RIMS1: variants seen among roughly 807,000 people sequenced by gnomAD.
The protein encoded by RIMS1 is regulating synaptic membrane exocytosis 1, also known as regulating synaptic membrane exocytosis protein 1.
A neutral mutation model predicts 214.1 loss-of-function variants in RIMS1; 83 were observed. The ratio of observed to expected loss-of-function variants is 0.39; its 90% CI spans 0.32 to 0.47. The LOEUF is 0.47. Among genes scored for constraint, RIMS1 ranks in the 20% least tolerant of loss-of-function variants. The pLI, the probability that RIMS1 is intolerant of heterozygous loss-of-function variation, is 0.99. For synonymous variants in RIMS1, 793 were observed against 786.8 expected (o/e 1.01, Z -0.13); for missense variants, 2,050 against 2,161.8 (o/e 0.95, Z 1.03).
At position 72,079,499 on chromosome 6, in the gene RIMS1, T is replaced by A. The variant is rs140254519; in HGVS notation, c.246-17450T>A. Among the ~76,000 whole-genome samples, 11 of 152,208 alleles carry A rather than the reference T, an allele frequency of 7.2e-5. No individual in the cohort carries two copies. In the East Asian group the frequency reaches 1.9e-3, roughly 27 times the overall value. On this transcript the variant is annotated intron_variant, in intron 2 of 33. Transcript: ENST00000521978. ...AATTATGAGACACAGTTTTCTTTGATGTCACTCAGGCTCAGAAAGTTGAAC... is the reference window on the plus strand; with the variant it reads ...AATTATGAGACACAGTTTTCTTTGAAGTCACTCAGGCTCAGAAAGTTGAAC...
chr6:72,342,712 A>T (rs907034033), intron 29 of RIMS1, among the ~76,000 whole-genome samples: 3 of 151,578 alleles, frequency 2.0e-5, no homozygotes, highest in East Asian at 3.9e-4. Flanking sequence ...TGAAGAGTGG[A>T]TATAACACCT....
chr6:72,129,384 A>AC (rs1162258127), intron 4 of RIMS1, among the ~76,000 whole-genome samples: 2 of 152,170 alleles, frequency 1.3e-5, no homozygotes, highest in African/African-American at 2.4e-5. Flanking sequence ...TTAGTGACAC[A>AC]CTAGGAGTTG....
chr6:72,261,605 A>G (rs76905262), intron 19 of RIMS1: 14,399 of 984,296 alleles, frequency 0.015, 108 homozygotes, highest in Non-Finnish European at 0.016. Flanking sequence ...CTAACACAAA[A>G]TAATCGAACT....
intron 2 of RIMS1, among the ~76,000 whole-genome samples, chr6:72,082,387 A>G (rs1833614015): frequency 6.6e-6 from 1 of 152,198 alleles, no homozygotes; most frequent in Admixed American, 6.5e-5. Flanking sequence ...TATACATATT[A>G]GCCATTTTAA....
chr6:72,258,346 C>A, intron 17 of RIMS1, 65 bp downstream of exon 17: 1 of 1,369,220 alleles, frequency 7.3e-7, no homozygotes, highest in Non-Finnish European at 9.9e-7. Context: ...GTGTAAATTG[C>A]TGCAAAACTA....
At chr6:72,049,892 A>G (rs1009051231) in intron 2 of RIMS1, among the ~76,000 whole-genome samples, 9 of 152,284 alleles carry the variant, frequency 5.9e-5, no homozygotes, top group South Asian at 2.1e-4. Context: ...GTGAGTAAGT[A>G]TATATTACTC....
At chr6:72,284,200 C>A in intron 24 of RIMS1, 82 bp downstream of exon 24, 4 of 1,186,558 alleles carry the variant, frequency 3.4e-6, no homozygotes, top group South Asian at 1.3e-5. Flanking sequence ...TTTACATGAT[C>A]AGTTCTTAAA....
At chr6:72,291,867 GGAAA>G (rs1421821033) in intron 25 of RIMS1, 63 bp from the exon 26 acceptor site, 14 of 1,166,256 alleles carry the variant, frequency 1.2e-5, no homozygotes, top group Admixed American at 2.0e-5. Flanking sequence ...ACAGAAAGGA[GGAAA>G]GATTTTTGTC....
At chr6:72,252,631 T>G in intron 15 of RIMS1, 130 bp from the exon 16 acceptor site, 1 of 707,680 alleles carries the variant, frequency 1.4e-6, no homozygotes, top group Non-Finnish European at 2.6e-6. Context: ...TAGCTCAGTG[T>G]TTACTGTATT....
At chr6:72,226,410 A>G (rs923185821) in intron 6 of RIMS1, among the ~76,000 whole-genome samples, 2 of 151,968 alleles carry the variant, frequency 1.3e-5, no homozygotes, top group Non-Finnish European at 2.9e-5. Context: ...AATATCGATT[A>G]CCCTTTTCAA....
chr6:72,248,040 G>A lies in RIMS1; in HGVS notation c.2154G>A (p.Lys718=). Residue 718 remains lysine (K), a synonymous_variant, in exon 12 of 34, where the codon AAG becomes AAA. Transcript: ENST00000521978. The stretch of plus-strand genomic sequence containing the variant: ...GTTCAAGTTCCTTTGAATCTCAGAA[G>A]ATGGAAAGGCCTTCCATTTCTGTTA... ...ESSSSSFESQ[K]MERPSISVIS... is the part of the protein sequence containing the mutation. 6.2e-7 allele frequency: 1 copy of A among 1,612,360 alleles called. No individual in the cohort carries two copies. Among genetic ancestry groups the A allele is most frequent in the Non-Finnish European group, 8.5e-7 (1 of 1,178,746 alleles).
intron 1 of RIMS1, among the ~76,000 whole-genome samples, chr6:71,894,360 C>T (rs756441224): frequency 6.6e-5 from 10 of 151,962 alleles, no homozygotes; most frequent in Non-Finnish European, 1.2e-4. Context: ...GCAGAAGAAT[C>T]GCTTGAAACC....
chr6:72,191,915 G>A (rs1048919125), intron 6 of RIMS1, among the ~76,000 whole-genome samples: 8 of 152,286 alleles, frequency 5.3e-5, no homozygotes, highest in South Asian at 2.1e-4. Flanking sequence ...CTCGATGATG[G>A]CACTAATCTC....
chr6:72,210,130 G>T (rs894098707), intron 6 of RIMS1, among the ~76,000 whole-genome samples: 17 of 152,022 alleles, frequency 1.1e-4, no homozygotes, highest in African/African-American at 3.9e-4. Flanking sequence ...GGAACAACAT[G>T]GTCCTAAACA....
rs764125827 is a variant in RIMS1 at position 72,343,492 on chromosome 6, C to CTTTTTTTTTTTTTTTTTTTT, written c.4366+9662_4366+9681dup. On this transcript the variant is annotated intron_variant, in intron 29 of 33. Transcript: ENST00000521978. ...CTTTCTTTTCTTTCTTCTTCTTCTT[C>CTTTTTTTTTTTTTTTTTTTT]TTTTTTTTTTTTTTTTTTTTTTTTG... Among the ~76,000 whole-genome samples, 25 of 57,274 alleles carry CTTTTTTTTTTTTTTTTTTTT rather than the reference C, an allele frequency of 4.4e-4. 1 individual carries two copies. The highest frequency in any genetic ancestry group is 6.9e-4 in the Admixed American group (3 of 4,378). The allele number at this position is 57,274 out of a possible 152,430, so 37.6% of individuals were successfully genotyped here. A position where few individuals can be genotyped will look rare whatever the true frequency, so the allele number is the denominator to read the frequency against.
intron 12 of RIMS1, among the ~76,000 whole-genome samples, 164 bp from the exon 13 acceptor site, chr6:72,250,166 C>G (rs1240987296): frequency 6.6e-6 from 1 of 152,098 alleles, no homozygotes; most frequent in Admixed American, 6.6e-5. Context: ...AAGTAAAGTT[C>G]TGTGTGTTTA....
intron 2 of RIMS1, among the ~76,000 whole-genome samples, chr6:72,068,828 G>A (rs1329797607): frequency 6.6e-6 from 1 of 151,728 alleles, no homozygotes; most frequent in Non-Finnish European, 1.5e-5. Flanking sequence ...GGAGAATGAC[G>A]TGAACTCGGG....
intron 29 of RIMS1, among the ~76,000 whole-genome samples, chr6:72,386,245 T>C (rs956920575): frequency 1.3e-5 from 2 of 152,226 alleles, no homozygotes; most frequent in Admixed American, 1.3e-4. Context: ...GTTTTTCTTT[T>C]CAGTTTTCAT....
chr6:72,346,316 T>A (rs943733392), intron 29 of RIMS1, among the ~76,000 whole-genome samples: 5 of 151,858 alleles, frequency 3.3e-5, no homozygotes, highest in African/African-American at 7.2e-5. Context: ...TATTTTTATC[T>A]GTTCATTACA....
Sources: allele counts gnomAD v4.1 joint callset (sites outside exome capture counted in the v4.1 genomes callset), GRCh38; gene constraint gnomAD v4.1.1; transcripts MANE v1.5; gene names NCBI Gene and HGNC (gene_info 2026-07-23, HGNC 2026-07-21).